The following TMEM17 variants were observed in gnomAD, a reference collection of about 807,000 sequenced individuals.
The protein encoded by TMEM17 is transmembrane protein 17.
TMEM17 carries 15 observed loss-of-function variants against 19.1 expected under a neutral mutation model. The observed-to-expected ratio is 0.78, with a 90% CI of 0.52 to 1.21. The LOEUF (loss-of-function observed/expected upper bound fraction) is 1.21. Among genes scored for constraint, TMEM17 ranks in the 50% most tolerant of loss-of-function variants. The pLI is 0.00. For synonymous variants in TMEM17, 103 were observed against 86.9 expected (o/e 1.19, Z -1.03); for missense variants, 245 against 242.3 (o/e 1.01, Z -0.07).
the TMEM17 span, among the ~76,000 whole-genome samples, chr2:62,494,429 G>A: frequency 6.6e-6 from 1 of 151,914 alleles, no homozygotes; most frequent in Non-Finnish European, 1.5e-5. Flanking sequence ...CTACTTTCTC[G>A]AGTGGTCATT....
chr2:62,484,210 A>G, the TMEM17 span, among the ~76,000 whole-genome samples: 1 of 152,208 alleles, frequency 6.6e-6, no homozygotes, highest in Non-Finnish European at 1.5e-5. Flanking sequence ...AGCACCATCC[A>G]TTAGAACTTT....
At chr2:62,505,821 C>G (rs1433165973) in intron 1 of TMEM17, among the ~76,000 whole-genome samples, 1 of 152,006 alleles carries the variant, frequency 6.6e-6, no homozygotes, top group Non-Finnish European at 1.5e-5. Flanking sequence ...GAGCACCACG[C>G]GGAGACCAGG....
chr2:62,501,518 A>G (rs1472322281), intron 3 of TMEM17, 31 bp from the exon 4 acceptor site: 1 of 1,585,282 alleles, frequency 6.3e-7, no homozygotes, highest in African/African-American at 1.4e-5. Context: ...AGTAATAAAA[A>G]TCAGTAAAAT....
chr2:62,461,956 G>A, the TMEM17 span, among the ~76,000 whole-genome samples: 1 of 152,216 alleles, frequency 6.6e-6, no homozygotes, highest in South Asian at 2.1e-4. Context: ...TCTAGGTCCT[G>A]GGCATTCGGC....
At chr2:62,476,557 C>T in the TMEM17 span, among the ~76,000 whole-genome samples, 1 of 152,102 alleles carries the variant, frequency 6.6e-6, no homozygotes, top group Admixed American at 6.5e-5. Context: ...CCTGATAAAC[C>T]CATTGTAAAG....
At position 62,501,208 on chromosome 2, in the gene TMEM17, A is replaced by C. The variant is rs779903801; in HGVS notation, c.*1T>G. On this transcript the variant is annotated 3_prime_UTR_variant, in exon 4 of 4. Transcript: ENST00000335390. Reference sequence around the variant, plus strand: ...TCAGATTTTCACTCAACAACACTGGATCAGATCTCTTCTATACATGACCTC... The same window carrying C: ...TCAGATTTTCACTCAACAACACTGGCTCAGATCTCTTCTATACATGACCTC... 5 of 1,612,524 alleles carry C rather than the reference A, an allele frequency of 3.1e-6. No homozygotes were observed. Among genetic ancestry groups the C allele is most frequent in the Middle Eastern group, 3.3e-4 (2 of 6,056 alleles).
At chr2:62,468,768 C>T in the TMEM17 span, among the ~76,000 whole-genome samples, 73 of 152,352 alleles carry the variant, frequency 4.8e-4, no homozygotes, top group Non-Finnish European at 9.0e-4. Flanking sequence ...AAGGCCGATT[C>T]AGGGGGCTGA....
At chr2:62,477,573 G>A in the TMEM17 span, among the ~76,000 whole-genome samples, 1 of 152,302 alleles carries the variant, frequency 6.6e-6, no homozygotes, top group South Asian at 2.1e-4. Flanking sequence ...CCACAGCATT[G>A]TAGAGATCCC....
chr2:62,467,539 C>T, the TMEM17 span, among the ~76,000 whole-genome samples: 1 of 152,206 alleles, frequency 6.6e-6, no homozygotes, highest in East Asian at 1.9e-4. Flanking sequence ...GTGGGCTCTG[C>T]CTCAGGTGCC....
the TMEM17 span, among the ~76,000 whole-genome samples, chr2:62,467,515 C>A: frequency 6.6e-6 from 1 of 152,180 alleles, no homozygotes; most frequent in Non-Finnish European, 1.5e-5. Flanking sequence ...GAGCCAAGGC[C>A]TCATAGAGAT....
chr2:62,468,277 G>A, the TMEM17 span, among the ~76,000 whole-genome samples: 1 of 152,288 alleles, frequency 6.6e-6, no homozygotes, highest in South Asian at 2.1e-4. Context: ...AGAAGGCCGT[G>A]TGTTCTCTAG....
the TMEM17 span, among the ~76,000 whole-genome samples, chr2:62,471,456 T>G: frequency 2.0e-5 from 3 of 152,216 alleles, no homozygotes; most frequent in African/African-American, 7.2e-5. Context: ...CTCTGTGAGA[T>G]CTACACTGTA....
chr2:62,485,870 C>T, the TMEM17 span, among the ~76,000 whole-genome samples: 1 of 152,212 alleles, frequency 6.6e-6, no homozygotes, highest in Non-Finnish European at 1.5e-5. Flanking sequence ...CCTAGTCCCT[C>T]CACCCTCTTG....
the TMEM17 span, among the ~76,000 whole-genome samples, chr2:62,465,871 C>T: frequency 2.0e-5 from 3 of 151,976 alleles, no homozygotes; most frequent in Non-Finnish European, 1.5e-5. Flanking sequence ...GGGTAGGGGG[C>T]GTAAGTTGAC....
downstream of TMEM17, among the ~76,000 whole-genome samples, chr2:62,498,491 C>T (rs1224776523): frequency 2.0e-4 from 30 of 150,176 alleles, 1 homozygote; most frequent in South Asian, 4.6e-3. Flanking sequence ...CCGAGGCGGG[C>T]GGATCACGAG....
In TMEM17 at chr2:62,501,263, G is replaced by C; in HGVS notation, c.543C>G (p.Leu181=). 1 of 1,614,158 alleles carries C rather than the reference G, an allele frequency of 6.2e-7. No individual in the cohort carries two copies. The highest frequency in any genetic ancestry group is 8.5e-7 in the Non-Finnish European group (1 of 1,180,024). The change falls in exon 4 of 4, where the codon CTC becomes CTG. Residue 181 remains leucine (L), a synonymous_variant. Transcript: ENST00000335390. ...TTCTCATGTCTCCTCTGTTTGCAGA[G>C]AGCCGGTCAAAGTCTTGGAGGTGGA... ...VRFHLQDFDR[L]SANRGDMRRM... is the part of the protein sequence containing the mutation.
the TMEM17 span, among the ~76,000 whole-genome samples, chr2:62,458,310 C>G: frequency 6.6e-6 from 1 of 152,172 alleles, no homozygotes; most frequent in Non-Finnish European, 1.5e-5. Context: ...GCAGCCTGGC[C>G]CAGCTGACAG....
chr2:62,502,366 C>G (rs563329255), intron 3 of TMEM17, 71 bp downstream of exon 3: 1 of 1,063,386 alleles, frequency 9.4e-7, no homozygotes, highest in Non-Finnish European at 1.4e-6. Flanking sequence ...CCACACCTCA[C>G]TGCCTTTTAC....
chr2:62,485,548 T>TA, the TMEM17 span, among the ~76,000 whole-genome samples: 3 of 152,188 alleles, frequency 2.0e-5, no homozygotes, highest in Non-Finnish European at 4.4e-5. Context: ...TTTATAGTCT[T>TA]ATTGGCCTGT....
Sources: gnomAD v4.1 joint callset for allele counts (sites outside exome capture counted in the v4.1 genomes callset) on GRCh38, gnomAD v4.1.1 for gene constraint, MANE v1.5 for transcripts, NCBI Gene and HGNC (gene_info 2026-07-23, HGNC 2026-07-21) for gene names.